IQSEC1: variants seen among roughly 807,000 people sequenced by gnomAD.
IQSEC1 encodes the protein IQ motif and SEC7 domain-containing protein 1.
IQSEC1 carries 31 observed loss-of-function variants against 91.0 expected under a neutral mutation model. The ratio of observed to expected loss-of-function variants is 0.34; its 90% CI spans 0.26 to 0.46. IQSEC1 has a LOEUF of 0.46. IQSEC1 is among the 20% of genes least tolerant of loss of function. The pLI is 1.00. For missense variants in IQSEC1, 1,388 were observed against 1,575.6 expected (o/e 0.88, Z 2.02); for synonymous variants, 699 against 662.6 (o/e 1.05, Z -0.84).
intron 1 of IQSEC1, among the ~76,000 whole-genome samples, chr3:12,966,098 C>T (rs763859529): frequency 1.7e-4 from 26 of 152,124 alleles, no homozygotes; most frequent in Non-Finnish European, 2.9e-4. Context: ...CTATGAGGGC[C>T]GCGGGTGTGT....
intron 1 of IQSEC1, among the ~76,000 whole-genome samples, chr3:13,238,767 C>A (rs924743503): frequency 1.3e-5 from 2 of 152,176 alleles, no homozygotes; most frequent in African/African-American, 4.8e-5. Context: ...GGATGGCCTC[C>A]ACTCTGAGTC....
At chr3:13,135,820 G>A (rs1281286244) in intron 2 of IQSEC1, among the ~76,000 whole-genome samples, 1 of 152,198 alleles carries the variant, frequency 6.6e-6, no homozygotes, top group Non-Finnish European at 1.5e-5. Context: ...GAGGGGGATG[G>A]GAAGGCTGTC....
intron 1 of IQSEC1, among the ~76,000 whole-genome samples, chr3:13,175,016 T>C (rs997617867): frequency 6.6e-6 from 1 of 152,146 alleles, no homozygotes; most frequent in African/African-American, 2.4e-5. Context: ...TTGGCTCATA[T>C]GTCACCTTCT....
chr3:13,064,171 C>G lies in IQSEC1; in HGVS notation c.23+8821G>C, dbSNP rs146170942. On this transcript the variant is annotated intron_variant, in intron 1 of 13. Transcript: ENST00000613206. ...TTGCTTGTACCGTGGAGCCTGCATACATGATACGCCTGCATAGAACTAAAC... is the reference window on the plus strand; with the variant it reads ...TTGCTTGTACCGTGGAGCCTGCATAGATGATACGCCTGCATAGAACTAAAC... Among the ~76,000 whole-genome samples, 5 of 152,160 alleles carry G rather than the reference C, an allele frequency of 3.3e-5. 1 individual carries two copies. The highest frequency in any genetic ancestry group is 1.2e-4 in the African/African-American group (5 of 41,420).
chr3:13,013,929 TC>T (rs139826662), intron 1 of IQSEC1, among the ~76,000 whole-genome samples: 22,471 of 152,216 alleles, frequency 0.15, 1,933 homozygotes, highest in African/African-American at 0.22. Flanking sequence ...CAGGATGGGC[TC>T]CCCTGAAGTC....
intron 1 of IQSEC1, among the ~76,000 whole-genome samples, chr3:13,169,786 G>A (rs1158715184): frequency 1.3e-5 from 2 of 152,194 alleles, no homozygotes; most frequent in Non-Finnish European, 2.9e-5. Flanking sequence ...TAGGGTATCT[G>A]GTGGAAGAAA....
In IQSEC1 at chr3:13,026,924, G is replaced by C. The variant is rs539619930; in HGVS notation, c.23+46068C>G. 3.5e-5 allele frequency among the ~76,000 whole-genome samples: 5 copies of C among 142,796 alleles called. No individual in the cohort carries two copies. The South Asian group carries it at 1.1e-3, about 31-fold the overall frequency. The allele number at this position is 142,796 out of a possible 152,430, so 93.7% of individuals were successfully genotyped here. A position where few individuals can be genotyped will look rare whatever the true frequency, so the allele number is the denominator to read the frequency against. On this transcript the variant is annotated intron_variant, in intron 1 of 13. Coordinates refer to ENST00000613206, the MANE Select transcript of IQSEC1 (RefSeq NM_001134382.3). Reference sequence around the variant, plus strand: ...ATTAATAAACTGAGGTTCAGATGCTGAGGTTAGTTACTCAGGATGATATAT... The same window carrying C: ...ATTAATAAACTGAGGTTCAGATGCTCAGGTTAGTTACTCAGGATGATATAT...
At chr3:13,183,175 AAACAAAC>A (rs1693874884) in intron 1 of IQSEC1, among the ~76,000 whole-genome samples, 1 of 88,390 alleles carries the variant, frequency 1.1e-5, no homozygotes, top group Non-Finnish European at 2.1e-5. Context: ...ACCAATAAAT[AAACAAAC>A]AAACAAACAA....
intron 1 of IQSEC1, among the ~76,000 whole-genome samples, chr3:13,267,302 A>G (rs755163111): frequency 1.3e-5 from 2 of 152,204 alleles, no homozygotes; most frequent in Non-Finnish European, 2.9e-5. Context: ...TGAGAAATAA[A>G]TGTCTATTGT....
At chr3:13,106,341 C>A (rs1004178952) in intron 2 of IQSEC1, among the ~76,000 whole-genome samples, 8 of 152,176 alleles carry the variant, frequency 5.3e-5, no homozygotes, top group African/African-American at 1.9e-4. Flanking sequence ...CTTGGCAGCT[C>A]CTTGGGACCC....
intron 1 of IQSEC1, among the ~76,000 whole-genome samples, chr3:13,181,545 A>G (rs879384618): frequency 6.6e-6 from 1 of 152,206 alleles, no homozygotes; most frequent in Non-Finnish European, 1.5e-5. Flanking sequence ...CTGGGCATCT[A>G]TTACAGGCCA....
chr3:13,036,835 C>A (rs995620757), intron 1 of IQSEC1, among the ~76,000 whole-genome samples: 8 of 152,320 alleles, frequency 5.3e-5, no homozygotes, highest in African/African-American at 1.9e-4. Flanking sequence ...GTGAAACCTG[C>A]GCATCAGGAG....
At chr3:12,982,173 C>A (rs1453811084) in intron 1 of IQSEC1, among the ~76,000 whole-genome samples, 1 of 152,156 alleles carries the variant, frequency 6.6e-6, no homozygotes, top group African/African-American at 2.4e-5. Context: ...TCTTTTGCGC[C>A]CCATATTGGA....
chr3:13,098,101 C>T (rs1319444233), intron 2 of IQSEC1, among the ~76,000 whole-genome samples: 9 of 152,222 alleles, frequency 5.9e-5, no homozygotes, highest in Non-Finnish European at 2.9e-5. Flanking sequence ...CTTACCTGAC[C>T]CTAGGTCAGG....
At chr3:13,253,887 C>T (rs9813722) in intron 1 of IQSEC1, among the ~76,000 whole-genome samples, 1,566 of 152,216 alleles carry the variant, frequency 0.01, 26 homozygotes, top group East Asian at 0.034. Context: ...GAAGCAGAAC[C>T]CCATTAAGAC....
chr3:13,231,304 C>A (rs559190637), intron 1 of IQSEC1, among the ~76,000 whole-genome samples: 6 of 152,178 alleles, frequency 3.9e-5, no homozygotes, highest in South Asian at 2.1e-4. Flanking sequence ...CGTGTGCACA[C>A]ATGTGTGCAT....
chr3:13,137,324 T>C (rs913277074), intron 2 of IQSEC1, among the ~76,000 whole-genome samples: 1 of 152,182 alleles, frequency 6.6e-6, no homozygotes, highest in East Asian at 1.9e-4. Context: ...AACTGTAGAA[T>C]ATTGACACAA....
chr3:13,053,548 C>T (rs2125069133), intron 1 of IQSEC1, among the ~76,000 whole-genome samples: 1 of 152,328 alleles, frequency 6.6e-6, no homozygotes, highest in South Asian at 2.1e-4. Context: ...GGAAGGAATG[C>T]AGGGACCACG....
Position 13,245,207 on chromosome 3 carries a change from TGAAGCCAC to T in IQSEC1, c.272+37496_272+37503del, listed in dbSNP as rs1222534424. On this transcript the variant is annotated intron_variant, in intron 1 of 15. Transcript: ENST00000648114. ...GGGGCTGGCTGGACTAGCGAAGCCA[TGAAGCCAC>T]GAAGCCACGGTGAGAAGACTTGGCT... Among the ~76,000 whole-genome samples, 4 of 152,106 alleles carry T rather than the reference TGAAGCCAC, an allele frequency of 2.6e-5. No individual in the cohort carries two copies. In the East Asian group the frequency reaches 7.7e-4, roughly 29 times the overall value.
Sources: gnomAD v4.1 joint callset for allele counts (sites outside exome capture counted in the v4.1 genomes callset) on GRCh38, gnomAD v4.1.1 for gene constraint, MANE v1.5 for transcripts, NCBI Gene and HGNC (gene_info 2026-07-23, HGNC 2026-07-21) for gene names.